PLD5: variants seen among roughly 807,000 people sequenced by gnomAD.
PLD5 encodes the protein inactive phospholipase D5.
PLD5 carries 36 observed loss-of-function variants against 61.1 expected under a neutral mutation model. That is an observed-to-expected ratio of 0.59 (90% confidence interval 0.45 to 0.78). The LOEUF (loss-of-function observed/expected upper bound fraction) is 0.78. Among genes scored for constraint, PLD5 ranks in the 30% least tolerant of loss-of-function variants. The pLI is 0.00. For missense variants in PLD5, 515 were observed against 644.4 expected (o/e 0.80, Z 2.17); for synonymous variants, 243 against 242.8 (o/e 1.00, Z -0.01).
intron 3 of PLD5, among the ~76,000 whole-genome samples, 198 bp from the exon 4 acceptor site, chr1:242,265,646 G>A (rs1259855681): frequency 6.6e-6 from 1 of 152,172 alleles, no homozygotes; most frequent in Non-Finnish European, 1.5e-5. Context: ...AACACAGATT[G>A]CACTTTTTGG....
At chr1:242,249,519 G>A (rs1196252048) in intron 4 of PLD5, among the ~76,000 whole-genome samples, 2 of 152,244 alleles carry the variant, frequency 1.3e-5, no homozygotes, top group East Asian at 1.9e-4. Context: ...AAAAGGGAGG[G>A]AGCAAAAAAC....
chr1:242,122,601 A>G (rs1201738940), intron 6 of PLD5, among the ~76,000 whole-genome samples: 2 of 152,116 alleles, frequency 1.3e-5, no homozygotes, highest in Non-Finnish European at 2.9e-5. Context: ...CTTGAGATGA[A>G]TTGAAAATGT....
At position 242,131,080 on chromosome 1, in the gene PLD5, C is replaced by T. The variant is rs149651621; in HGVS notation, c.736-6415G>A. Among the ~76,000 whole-genome samples the T allele has an allele frequency of 9.2e-5, 14 of 152,048 alleles. No homozygotes were observed. In the East Asian group the frequency reaches 1.7e-3, roughly 19 times the overall value. On this transcript the variant is annotated intron_variant, in intron 5 of 9. Transcript: ENST00000536534. ...CAGCACTTTGGGAGGCCGAGGTGGG[C>T]GGATCACTAGATCAAGAGATGGAGA...
intron 1 of PLD5, among the ~76,000 whole-genome samples, chr1:242,457,344 C>G (rs1666974458): frequency 1.3e-5 from 2 of 152,208 alleles, no homozygotes; most frequent in African/African-American, 4.8e-5. Flanking sequence ...TCACATACAA[C>G]TAAACTGGCA....
chr1:242,132,697 C>G (rs1663387923), intron 5 of PLD5, among the ~76,000 whole-genome samples: 2 of 152,116 alleles, frequency 1.3e-5, no homozygotes, highest in Admixed American at 1.3e-4. Context: ...TGCTTACTCT[C>G]CCGCCCCTTC....
Position 242,148,867 on chromosome 1 carries a change from T to A in PLD5, c.736-24202A>T, listed in dbSNP as rs117948139. Reference sequence around the variant, plus strand: ...AGAAACATTAATTTTTGTATACTGATCTTATATCATAAAACTGTTCTAAAC... The same window carrying A: ...AGAAACATTAATTTTTGTATACTGAACTTATATCATAAAACTGTTCTAAAC... On this transcript the variant is annotated intron_variant, in intron 5 of 9. Coordinates refer to ENST00000536534, the MANE Select transcript of PLD5 (RefSeq NM_001372062.1). Among the ~76,000 whole-genome samples the A allele has an allele frequency of 2.2e-3, 338 of 152,046 alleles. 4 individuals are homozygous for A. The East Asian group carries it at 0.034, about 15-fold the overall frequency.
At chr1:242,295,818 T>C (rs982583153) in intron 2 of PLD5, among the ~76,000 whole-genome samples, 1 of 152,234 alleles carries the variant, frequency 6.6e-6, no homozygotes, top group Admixed American at 6.5e-5. Flanking sequence ...TTTTTGACTT[T>C]TTAATAATAG....
chr1:242,383,757 A>G (rs1662437120), intron 1 of PLD5, among the ~76,000 whole-genome samples: 1 of 152,202 alleles, frequency 6.6e-6, no homozygotes, highest in South Asian at 2.1e-4. Context: ...CAGGCTTTGC[A>G]TAATCTTAAG....
At chr1:242,100,836 G>T (rs1376520728) in intron 8 of PLD5, 54 bp from the exon 9 acceptor site, 25 of 1,215,386 alleles carry the variant, frequency 2.1e-5, no homozygotes, top group Non-Finnish European at 2.8e-5. Context: ...TTCTGGTCTT[G>T]TCCAAGAGCA....
At chr1:242,356,047 TA>T (rs1660734071) in intron 1 of PLD5, among the ~76,000 whole-genome samples, 1 of 152,064 alleles carries the variant, frequency 6.6e-6, no homozygotes, top group South Asian at 2.1e-4. Context: ...CAAGAATGTG[TA>T]TTTGGTTGTT....
At chr1:242,102,696 A>G (rs1660774827) in intron 8 of PLD5, among the ~76,000 whole-genome samples, 2 of 152,216 alleles carry the variant, frequency 1.3e-5, no homozygotes, top group Admixed American at 1.3e-4. Context: ...CAAGATTCCA[A>G]TCCTCACTTT....
intron 5 of PLD5, among the ~76,000 whole-genome samples, chr1:242,181,922 T>C (rs1667546992): frequency 6.6e-6 from 1 of 152,206 alleles, no homozygotes; most frequent in African/African-American, 2.4e-5. Flanking sequence ...AAAATACTTC[T>C]TTCATTAAAT....
chr1:242,241,883 A>C (rs1313018071), intron 4 of PLD5, among the ~76,000 whole-genome samples: 1 of 32,150 alleles, frequency 3.1e-5, no homozygotes, highest in African/African-American at 1.2e-4. Context: ...ATATATATAT[A>C]TATATATATA....
intron 2 of PLD5, among the ~76,000 whole-genome samples, chr1:242,329,827 A>G (rs1468206428): frequency 6.6e-6 from 1 of 152,104 alleles, no homozygotes; most frequent in Non-Finnish European, 1.5e-5. Flanking sequence ...ATCCCTACTG[A>G]AACCCTATGA....
At chr1:242,172,472 A>G (rs1052603507) in intron 5 of PLD5, among the ~76,000 whole-genome samples, 2 of 152,202 alleles carry the variant, frequency 1.3e-5, no homozygotes, top group Non-Finnish European at 2.9e-5. Flanking sequence ...AAAGAACTAG[A>G]GAAGCAAGAG....
At chr1:242,444,110 C>T (rs1476849354) in intron 1 of PLD5, among the ~76,000 whole-genome samples, 1 of 152,110 alleles carries the variant, frequency 6.6e-6, no homozygotes, top group Non-Finnish European at 1.5e-5. Flanking sequence ...AGAGTAATTC[C>T]TTCCTATAAG....
At chr1:242,280,027 C>A (rs1238138326) in intron 3 of PLD5, among the ~76,000 whole-genome samples, 1 of 150,938 alleles carries the variant, frequency 6.6e-6, no homozygotes, top group Non-Finnish European at 1.5e-5. Flanking sequence ...AAAATGAAAA[C>A]CACAGCTATC....
intron 6 of PLD5, among the ~76,000 whole-genome samples, chr1:242,115,821 C>G (rs1411429616): frequency 1.3e-5 from 2 of 152,042 alleles, no homozygotes; most frequent in African/African-American, 2.4e-5. Flanking sequence ...GAAGGATGTT[C>G]TGAAAGATTT....
chr1:242,362,977 C>A (rs1477489417), intron 1 of PLD5, among the ~76,000 whole-genome samples: 1 of 152,190 alleles, frequency 6.6e-6, no homozygotes. Context: ...AAGAGTCCAC[C>A]ACAATCCCTA....
Sources: allele counts gnomAD v4.1 joint callset (sites outside exome capture counted in the v4.1 genomes callset), GRCh38; gene constraint gnomAD v4.1.1; transcripts MANE v1.5; gene names NCBI Gene and HGNC (gene_info 2026-07-23, HGNC 2026-07-21).